The following ZNF143 variants were observed in gnomAD, a reference collection of about 807,000 sequenced individuals.
The protein encoded by ZNF143 is zinc finger protein 143.
ZNF143 carries 49 observed loss-of-function variants against 74.1 expected under a neutral mutation model. The ratio of observed to expected loss-of-function variants is 0.66; its 90% CI spans 0.53 to 0.84. The LOEUF is 0.84. Ranked by LOEUF, ZNF143 falls within the 40% of genes least tolerant of loss-of-function variation. The pLI, the probability that ZNF143 is intolerant of heterozygous loss-of-function variation, is 0.00. For missense variants in ZNF143, 637 were observed against 793.4 expected (o/e 0.80, Z 2.37); for synonymous variants, 304 against 282.8 (o/e 1.07, Z -0.75).
chr11:9,478,699 C>A, intron 6 of ZNF143, 113 bp downstream of exon 6: 1 of 1,285,830 alleles, frequency 7.8e-7, no homozygotes, highest in Non-Finnish European at 1.1e-6. Context: ...CCAATTTTGG[C>A]TGGGCATGGC....
chr11:9,489,067 T>C (rs1456601833), intron 7 of ZNF143, among the ~76,000 whole-genome samples: 1 of 152,194 alleles, frequency 6.6e-6, no homozygotes, highest in Non-Finnish European at 1.5e-5. Context: ...TCCCTGGCCT[T>C]TTATTTTTCC....
At chr11:9,516,399 T>C (rs1462312514) in intron 14 of ZNF143, 37 bp downstream of exon 14, 3 of 1,551,466 alleles carry the variant, frequency 1.9e-6, no homozygotes, top group East Asian at 2.3e-5. Context: ...TCAATACATA[T>C]ATCAGTACCA....
rs186843639 is a variant in ZNF143 at position 9,484,392 on chromosome 11, A to G, written c.645+4846A>G. Among the ~76,000 whole-genome samples the G allele has an allele frequency of 1.8e-3, 274 of 151,064 alleles. 2 individuals carry two copies. The highest frequency in any genetic ancestry group is 2.8e-3 in the Non-Finnish European group (193 of 67,964). On this transcript the variant is annotated intron_variant, in intron 7 of 15. Transcript: ENST00000396602. ...ATATTTTTGTTAAAGAAATATTTAA[A>G]AAAATGTTTTTTATATTTCACCTTG... is the stretch of plus-strand genomic sequence containing the variant.
At chr11:9,472,422 T>G (rs1856633755) in intron 2 of ZNF143, among the ~76,000 whole-genome samples, 1 of 152,048 alleles carries the variant, frequency 6.6e-6, no homozygotes, top group African/African-American at 2.4e-5. Flanking sequence ...CCCGACTAAT[T>G]TTTATATTTT....
chr11:9,477,371 C>G (rs532662917), intron 5 of ZNF143, among the ~76,000 whole-genome samples: 6 of 152,200 alleles, frequency 3.9e-5, no homozygotes, highest in Admixed American at 3.9e-4. Flanking sequence ...TCTCCTGCTT[C>G]AGCCTCCCAA....
Position 9,471,853 on chromosome 11 carries a change from CTA to C in ZNF143, c.112+435_112+436del, listed in dbSNP as rs560970612. Among the ~76,000 whole-genome samples the C allele has an allele frequency of 5.2e-3, 764 of 147,020 alleles. 6 individuals carry two copies. Among genetic ancestry groups the C allele is most frequent in the Admixed American group, 8.5e-3 (126 of 14,762 alleles). On this transcript the variant is annotated intron_variant, in intron 2 of 15. Coordinates refer to ENST00000396602, the MANE Select transcript of ZNF143 (RefSeq NM_003442.6). ...AGGCATGAGCCATTGCGCCCAGCCT[CTA>C]TGTGTATTTTTTATCTTGGTGTGGG...
Position 9,494,553 on chromosome 11 carries a change from C to T in ZNF143, c.646-93C>T, listed in dbSNP as rs181206706. The T allele has an allele frequency of 5.7e-4, 736 of 1,294,138 alleles. 6 individuals carry two copies. In the African/African-American group the frequency reaches 9.4e-3, roughly 16 times the overall value. The allele number at this position is 1,294,138 out of a possible 1,614,324, so 80.2% of individuals were successfully genotyped here. A position where few individuals can be genotyped will look rare whatever the true frequency, so the allele number is the denominator to read the frequency against. ...CTTGAACTCCTGGGCTCAAATGATC[C>T]GCCTACCTCTGCCTCCCCATGTGCT... is the stretch of plus-strand genomic sequence containing the variant. On this transcript the variant is annotated intron_variant, in intron 7 of 15. Transcript: ENST00000396602.
rs575337700 is a variant in ZNF143, at chr11:9,482,119, C to T, written c.645+2573C>T. Among the ~76,000 whole-genome samples, 414 of 146,978 alleles carry T rather than the reference C, an allele frequency of 2.8e-3. 2 individuals carry two copies. The highest frequency in any genetic ancestry group is 0.011 in the Middle Eastern group (3 of 264). The stretch of plus-strand genomic sequence containing the variant: ...CCGAGTAGCTGGGACTACAGGCGCC[C>T]GCCACCACGCCCGGCTAATTTTTTG... On this transcript the variant is annotated intron_variant, in intron 7 of 15. Transcript: ENST00000396602.
intron 1 of ZNF143, among the ~76,000 whole-genome samples, chr11:9,466,515 C>T (rs1312906511): frequency 1.5e-4 from 22 of 144,282 alleles, no homozygotes; most frequent in South Asian, 9.0e-4. Context: ...AGGGTGGTCT[C>T]GAACTCCTGA....
intron 7 of ZNF143, among the ~76,000 whole-genome samples, chr11:9,489,186 A>T (rs549704483): frequency 1.3e-5 from 2 of 152,284 alleles, no homozygotes; most frequent in African/African-American, 4.8e-5. Flanking sequence ...CTTTGTGAGA[A>T]TGCCTTTAAG....
At chr11:9,475,545 C>G (rs974317425) in intron 5 of ZNF143, among the ~76,000 whole-genome samples, 5 of 152,188 alleles carry the variant, frequency 3.3e-5, no homozygotes, top group African/African-American at 4.8e-5. Context: ...CCTCCCAAAG[C>G]AGTGGGGTCA....
chr11:9,506,583 G>T (rs965172794), intron 11 of ZNF143, among the ~76,000 whole-genome samples: 1 of 152,180 alleles, frequency 6.6e-6, no homozygotes, highest in African/African-American at 2.4e-5. Context: ...CTGGGGTGAG[G>T]CCCAGGCATC....
chr11:9,516,000 T>TA (rs200325533), intron 13 of ZNF143, among the ~76,000 whole-genome samples: 1 of 151,526 alleles, frequency 6.6e-6, no homozygotes, highest in Non-Finnish European at 1.5e-5. Context: ...ATAATAATAA[T>TA]AAAAAAATAA....
intron 6 of ZNF143, 41 bp from the exon 7 acceptor site, chr11:9,479,431 C>A (rs1324659948): frequency 6.5e-7 from 1 of 1,535,804 alleles, no homozygotes; most frequent in Non-Finnish European, 8.9e-7. Flanking sequence ...AAACCATTAT[C>A]AAAATGTAAA....
chr11:9,461,148 GCGGGCCCGCTTGGGCC>G (rs1419747873), intron 1 of ZNF143, 72 bp downstream of exon 1: 2 of 946,466 alleles, frequency 2.1e-6, no homozygotes, highest in African/African-American at 3.5e-5. Flanking sequence ...GCGCGGCGGC[GCGGGCCCGCTTGGGCC>G]CGGGCTCCGG....
At chr11:9,511,634 C>T (rs1396244692) in intron 12 of ZNF143, among the ~76,000 whole-genome samples, 1 of 151,944 alleles carries the variant, frequency 6.6e-6, no homozygotes, top group Non-Finnish European at 1.5e-5. Flanking sequence ...GACGTGGTTT[C>T]TCCATGTTGG....
At chr11:9,501,058 C>A in intron 10 of ZNF143, 33 bp from the exon 11 acceptor site, 4 of 1,610,522 alleles carry the variant, frequency 2.5e-6, no homozygotes, top group Non-Finnish European at 3.4e-6. Flanking sequence ...TATATTTTTG[C>A]ACCATTTAAT....
chr11:9,507,709 T>G (rs1170529859), intron 11 of ZNF143, among the ~76,000 whole-genome samples: 4 of 152,212 alleles, frequency 2.6e-5, no homozygotes, highest in African/African-American at 9.6e-5. Context: ...CACCACCACA[T>G]GTTAGCACTG....
rs369479757 is a variant in ZNF143 at position 9,497,775 on chromosome 11, A to G, written c.942A>G (p.Leu314=). The G allele has an allele frequency of 9.3e-6, 15 of 1,611,204 alleles. No homozygotes were observed. In the African/African-American group the frequency reaches 1.9e-4, roughly 20 times the overall value. The part of the protein sequence containing the change: ...CTKSFKTSGD[L]QKHIRTHTGE... ...AATCTTTCAAAACTTCAGGAGATCT[A>G]CAGAAACACATCAGAACTCATACAG... Residue 314 remains leucine (L), a synonymous_variant, in exon 10 of 16, where the codon CTA becomes CTG. Coordinates refer to ENST00000396602, the MANE Select transcript of ZNF143 (RefSeq NM_003442.6).
Sources: allele counts gnomAD v4.1 joint callset (sites outside exome capture counted in the v4.1 genomes callset), GRCh38; gene constraint gnomAD v4.1.1; transcripts MANE v1.5; gene names NCBI Gene and HGNC (gene_info 2026-07-23, HGNC 2026-07-21).